DSN1: variants seen among roughly 807,000 people sequenced by gnomAD.
DSN1 encodes the protein kinetochore-associated protein DSN1 homolog.
In DSN1, 31 loss-of-function variants were observed where a neutral mutation model predicts 45.7. The observed-to-expected ratio is 0.68, with a 90% CI of 0.51 to 0.92. DSN1 has a LOEUF of 0.92. DSN1 is among the 40% of genes least tolerant of loss of function. The pLI is 0.00. For missense variants in DSN1, 394 were observed against 414.2 expected (o/e 0.95, Z 0.42); for synonymous variants, 134 against 142.3 (o/e 0.94, Z 0.41).
At chr20:36,755,981 T>C (rs944537514) in intron 8 of DSN1, 152 bp from the exon 9 acceptor site, 11 of 906,284 alleles carry the variant, frequency 1.2e-5, no homozygotes, top group Non-Finnish European at 1.7e-5. Flanking sequence ...TTTGTTTGTT[T>C]GTTTGTTTTT....
chr20:36,766,905 G>T, intron 4 of DSN1, 64 bp from the exon 5 acceptor site: 2 of 1,106,850 alleles, frequency 1.8e-6, no homozygotes, highest in Non-Finnish European at 2.6e-6. Flanking sequence ...CTAAATTTAT[G>T]TCATTTTATG....
At position 36,768,056 on chromosome 20, in the gene DSN1, TAGCCACATTTA is replaced by T; in HGVS notation, c.356-25_356-15del. On this transcript the variant is annotated splice_polypyrimidine_tract_variant and intron_variant, in intron 3 of 10. Coordinates refer to ENST00000373750, the MANE Select transcript of DSN1 (RefSeq NM_001145315.2). ...ACCGGCTGAGCTCTAACATAAAACA[TAGCCACATTTA>T]AGGAGCTGGATAGTTACATAGTTAG... The T allele has an allele frequency of 6.2e-7, 1 of 1,613,750 alleles. No individual in the cohort carries two copies.
At position 36,771,423 on chromosome 20, in the gene DSN1, A is replaced by G; in HGVS notation, c.34+2T>C. ...GGTACTGAATTTCACTACAATACTT[A>G]CCATCTATGATCTCTGATCTAGTCA... On this transcript the variant is annotated splice_donor_variant, in intron 2 of 10. Coordinates refer to ENST00000373750, the MANE Select transcript of DSN1 (RefSeq NM_001145315.2). LOFTEE classifies it high-confidence loss of function. The G allele has an allele frequency of 1.2e-6, 2 of 1,613,636 alleles. No homozygotes were observed. The highest frequency in any genetic ancestry group is 1.1e-5 in the South Asian group (1 of 91,034).
intron 8 of DSN1, among the ~76,000 whole-genome samples, chr20:36,757,312 T>C (rs1986725960): frequency 6.6e-6 from 1 of 151,566 alleles, no homozygotes; most frequent in African/African-American, 2.4e-5. Context: ...GCCGAGATCG[T>C]GCCACTGCAT....
At position 36,771,156 on chromosome 20, in the gene DSN1, T is replaced by C. The variant is rs34428971; in HGVS notation, c.72A>G (p.Gln24=). ...CCACAGGACTGAGACTTGATTCCAA[T>C]TGATGATCATGAGTCTTAGACATCA... ...GPVMSKTHDH[Q]LESSLSPVEV... The change falls in exon 3 of 11, where the codon CAA becomes CAG. Residue 24 remains glutamine (Q), a synonymous_variant. Transcript: ENST00000373750. The C allele has an allele frequency of 5.4e-3, 8,656 of 1,613,686 alleles. 448 individuals are homozygous for C. The African/African-American group carries it at 0.1, about 19-fold the overall frequency.
intron 3 of DSN1, among the ~76,000 whole-genome samples, chr20:36,768,334 C>T (rs1036334556): frequency 3.3e-5 from 5 of 152,110 alleles, no homozygotes; most frequent in African/African-American, 9.7e-5. Flanking sequence ...CTTGAGACCA[C>T]GAGCTGGAGA....
At chr20:36,770,048 G>A (rs1987562806) in intron 3 of DSN1, among the ~76,000 whole-genome samples, 1 of 151,296 alleles carries the variant, frequency 6.6e-6, no homozygotes, top group African/African-American at 2.4e-5. Flanking sequence ...GGAGGGAAGA[G>A]AGAGGGGATA....
chr20:36,773,580 G>A, intron 1 of DSN1, 82 bp downstream of exon 1: 1 of 985,810 alleles, frequency 1.0e-6, no homozygotes. Flanking sequence ...ACGCCGAAGA[G>A]ATTAGTGCGG....
At chr20:36,756,354 T>C (rs1340388540) in intron 8 of DSN1, among the ~76,000 whole-genome samples, 1 of 152,182 alleles carries the variant, frequency 6.6e-6, no homozygotes, top group Non-Finnish European at 1.5e-5. Flanking sequence ...TGCTGGAAGC[T>C]TCCAGTCAGT....
In DSN1 at chr20:36,758,573, T is replaced by A. The variant is rs1245450301; in HGVS notation, c.635A>T (p.Lys212Met). The change falls in exon 7 of 11, where the codon AAG becomes ATG. Residue 212 changes from lysine to methionine, a missense_variant. Lys to Met is a moderately conservative substitution (Grantham distance 95). Coordinates refer to ENST00000373750, the MANE Select transcript of DSN1 (RefSeq NM_001145315.2). Reference protein sequence around the residue: ...FSLEASVAEMKEYITKFSLER... With the variant: ...FSLEASVAEMMEYITKFSLER... ...GTTAACTTACTTTGTTATGTATTCCTTCATCTCAGCCACAGATGCTTCCAA... is the reference window on the plus strand; with the variant it reads ...GTTAACTTACTTTGTTATGTATTCCATCATCTCAGCCACAGATGCTTCCAA... The A allele has an allele frequency of 6.2e-7, 1 of 1,611,164 alleles. No individual in the cohort carries two copies. The highest frequency in any genetic ancestry group is 2.2e-5 in the East Asian group (1 of 44,810).
chr20:36,773,355 AG>A (rs1421852123), intron 1 of DSN1: 46 of 984,278 alleles, frequency 4.7e-5, no homozygotes, highest in African/African-American at 5.2e-5. Flanking sequence ...CTGGGGGCAC[AG>A]GGGCAATTCG....
chr20:36,770,015 G>A lies in DSN1; in HGVS notation c.355+858C>T, dbSNP rs530162354. On this transcript the variant is annotated intron_variant, in intron 3 of 10. Coordinates refer to ENST00000373750, the MANE Select transcript of DSN1 (RefSeq NM_001145315.2). ...GTGCAGGGAGGGAAGAGGGAAGGGAGAGGGGTGGGGTGCAGGGAGGGAGGA... is the reference window on the plus strand; with the variant it reads ...GTGCAGGGAGGGAAGAGGGAAGGGAAAGGGGTGGGGTGCAGGGAGGGAGGA... Among the ~76,000 whole-genome samples, 4 of 144,128 alleles carry A rather than the reference G, an allele frequency of 2.8e-5. No homozygotes were observed. The Admixed American group carries it at 2.8e-4, about 10-fold the overall frequency. The allele number at this position is 144,128 out of a possible 152,430, so 94.6% of individuals were successfully genotyped here.
intron 9 of DSN1, among the ~76,000 whole-genome samples, chr20:36,755,251 C>T (rs1986607558): frequency 6.6e-6 from 1 of 152,142 alleles, no homozygotes; most frequent in African/African-American, 2.4e-5. Flanking sequence ...CCTTGTGGTT[C>T]TCCAATACCC....
At chr20:36,767,925 C>A (rs768945053) in intron 4 of DSN1, 44 bp downstream of exon 4, 2 of 1,573,942 alleles carry the variant, frequency 1.3e-6, no homozygotes, top group Non-Finnish European at 1.7e-6. Context: ...GTCACAATAG[C>A]AGTTAACAAA....
At chr20:36,770,622 G>A (rs1987594198) in intron 3 of DSN1, among the ~76,000 whole-genome samples, 1 of 152,208 alleles carries the variant, frequency 6.6e-6, no homozygotes, top group Admixed American at 6.5e-5. Context: ...TACTTGGGAG[G>A]CTGAAGTGGG....
At chr20:36,760,216 C>A (rs968384703) in intron 6 of DSN1, among the ~76,000 whole-genome samples, 1 of 152,078 alleles carries the variant, frequency 6.6e-6, no homozygotes, top group Non-Finnish European at 1.5e-5. Context: ...TGCACTCCAG[C>A]CTGGCCAACA....
intron 5 of DSN1, among the ~76,000 whole-genome samples, chr20:36,765,247 T>TAAAAAA (rs33998027): frequency 9.3e-5 from 7 of 75,274 alleles, no homozygotes; most frequent in South Asian, 1.2e-3. Context: ...AGGCTTGTGT[T>TAAAAAA]AAAAAAAAAA....
chr20:36,760,843 T>C (rs937395622), intron 6 of DSN1, among the ~76,000 whole-genome samples: 4 of 152,098 alleles, frequency 2.6e-5, no homozygotes, highest in Non-Finnish European at 5.9e-5. Context: ...TGAGTAGAGA[T>C]TGCGCCATTA....
In DSN1 at chr20:36,773,662, C is replaced by T; in HGVS notation, c.-16G>A. ...CCCGTCCAGTCCGGAACCTCCGTAC[C>T]TGAAACACAAGGCCACGGGTCGCTC... On this transcript the variant is annotated splice_region_variant and 5_prime_UTR_variant, in exon 1 of 11. Coordinates refer to ENST00000373750, the MANE Select transcript of DSN1 (RefSeq NM_001145315.2). The T allele has an allele frequency of 3.0e-6, 3 of 985,706 alleles. No homozygotes were observed. Among genetic ancestry groups the T allele is most frequent in the Non-Finnish European group, 3.6e-6 (3 of 830,128 alleles). The allele number at this position is 985,706 out of a possible 1,614,324, so 61.1% of individuals were successfully genotyped here.
Sources: gnomAD v4.1 joint callset for allele counts (sites outside exome capture counted in the v4.1 genomes callset) on GRCh38, gnomAD v4.1.1 for gene constraint, MANE v1.5 for transcripts, NCBI Gene and HGNC (gene_info 2026-07-23, HGNC 2026-07-21) for gene names.